SCLT1: variants seen among roughly 807,000 people sequenced by gnomAD.
The protein encoded by SCLT1 is sodium channel and clathrin linker 1, also known as sodium channel-associated protein 1.
SCLT1 carries 78 observed loss-of-function variants against 112.8 expected under a neutral mutation model. The ratio of observed to expected loss-of-function variants is 0.69; its 90% confidence interval spans 0.58 to 0.83. The LOEUF (loss-of-function observed/expected upper bound fraction) is 0.83, where lower values mean the gene tolerates loss of function less well. SCLT1 is among the 40% of genes least tolerant of loss of function. SCLT1 has a pLI of 0.00. For synonymous variants in SCLT1, 257 were observed against 254.7 expected (o/e 1.01, Z -0.09); for missense variants, 747 against 770.4 (o/e 0.97, Z 0.36).
Position 128,899,811 on chromosome 4 carries a change from G to A in SCLT1, c.1830-8674C>T, listed in dbSNP as rs371606238. On this transcript the variant is annotated intron_variant, in intron 18 of 20. Transcript: ENST00000281142. ...AGCCCAAAATCTCCTTAAGCTGATA[G>A]GCAACTTCAGCAAAGTCTCAGGATA... Among the ~76,000 whole-genome samples, 5 of 152,166 alleles carry A rather than the reference G, an allele frequency of 3.3e-5. No homozygotes were observed. The South Asian group carries it at 8.3e-4, about 25-fold the overall frequency.
At chr4:129,040,952 G>A (rs1048000858) in intron 4 of SCLT1, among the ~76,000 whole-genome samples, 5 of 151,916 alleles carry the variant, frequency 3.3e-5, no homozygotes, top group African/African-American at 1.2e-4. Context: ...AACCTTTGGC[G>A]GTAAAGAATG....
At chr4:129,034,198 T>A (rs1441242368) in intron 5 of SCLT1, among the ~76,000 whole-genome samples, 2 of 152,130 alleles carry the variant, frequency 1.3e-5, no homozygotes, top group African/African-American at 4.8e-5. Flanking sequence ...TGTAAATATA[T>A]ACATGAACTC....
intron 4 of SCLT1, among the ~76,000 whole-genome samples, chr4:128,875,515 A>C (rs1732492357): frequency 6.6e-6 from 1 of 152,236 alleles, no homozygotes; most frequent in Non-Finnish European, 1.5e-5. Flanking sequence ...CTTCAGGGTC[A>C]GAGAGAACTG....
intron 2 of SCLT1, among the ~76,000 whole-genome samples, chr4:129,075,058 G>C (rs1236442022): frequency 6.6e-6 from 1 of 151,930 alleles, no homozygotes. Context: ...GTGTATCACA[G>C]AAAAAAATGT....
intron 10 of SCLT1, among the ~76,000 whole-genome samples, chr4:128,967,921 G>A (rs1338540077): frequency 6.6e-6 from 1 of 152,028 alleles, no homozygotes; most frequent in East Asian, 1.9e-4. Flanking sequence ...TAAAATCTTT[G>A]CCAGGGCCTA....
intron 15 of SCLT1, among the ~76,000 whole-genome samples, chr4:128,947,329 A>G (rs1738257344): frequency 6.6e-6 from 1 of 152,218 alleles, no homozygotes; most frequent in South Asian, 2.1e-4. Context: ...TGGAAATTGT[A>G]CGCAGATGGA....
chr4:128,889,101 C>T (rs1733112530), intron 19 of SCLT1, among the ~76,000 whole-genome samples: 1 of 152,140 alleles, frequency 6.6e-6, no homozygotes, highest in Non-Finnish European at 1.5e-5. Context: ...GACTGCTGGG[C>T]CTTACAACCA....
At chr4:128,920,543 C>T (rs1321234007) in intron 18 of SCLT1, among the ~76,000 whole-genome samples, 5 of 152,176 alleles carry the variant, frequency 3.3e-5, no homozygotes, top group African/African-American at 9.7e-5. Context: ...CTGCCTGCCT[C>T]GGCCTCCTAA....
chr4:128,948,461 G>T, intron 15 of SCLT1, 35 bp downstream of exon 15: 1 of 1,595,378 alleles, frequency 6.3e-7, no homozygotes, highest in South Asian at 1.1e-5. Flanking sequence ...TTTGCAGTTG[G>T]GTTTTAGGTA....
At chr4:128,959,130 A>G (rs1030070586) in intron 12 of SCLT1, among the ~76,000 whole-genome samples, 47 of 152,312 alleles carry the variant, frequency 3.1e-4, no homozygotes, top group African/African-American at 1.1e-3. Flanking sequence ...AGGAATCACA[A>G]TTGTTAGAGA....
At chr4:129,003,349 G>A (rs1194812030) in intron 6 of SCLT1, among the ~76,000 whole-genome samples, 2 of 151,162 alleles carry the variant, frequency 1.3e-5, no homozygotes, top group Non-Finnish European at 2.9e-5. Flanking sequence ...TGGGTTGATG[G>A]GTGCAGCAAA....
At chr4:128,887,748 G>A (rs987366276) in intron 20 of SCLT1, among the ~76,000 whole-genome samples, 3 of 151,950 alleles carry the variant, frequency 2.0e-5, no homozygotes, top group South Asian at 2.1e-4. Flanking sequence ...GTATTTCATT[G>A]TTATTCTGCA....
intron 2 of SCLT1, among the ~76,000 whole-genome samples, chr4:129,046,300 G>A (rs1184963609): frequency 6.6e-6 from 1 of 152,072 alleles, no homozygotes; most frequent in African/African-American, 2.4e-5. Flanking sequence ...TGAGAACTAT[G>A]TATATGACCA....
intron 17 of SCLT1, among the ~76,000 whole-genome samples, chr4:128,942,594 G>C (rs888365788): frequency 3.3e-5 from 5 of 152,086 alleles, no homozygotes; most frequent in Non-Finnish European, 7.4e-5. Flanking sequence ...AGTTATGAAT[G>C]GTTCTCAGAG....
chr4:128,883,466 T>G (rs908097708), downstream of SCLT1, among the ~76,000 whole-genome samples: 6 of 152,066 alleles, frequency 3.9e-5, no homozygotes, highest in Admixed American at 2.6e-4. Context: ...GATAACGGGT[T>G]GATGGGTGCA....
chr4:128,939,123 G>C (rs1001825971), intron 17 of SCLT1, among the ~76,000 whole-genome samples: 6 of 152,274 alleles, frequency 3.9e-5, no homozygotes, highest in African/African-American at 1.2e-4. Context: ...TTTGCTTTAA[G>C]ACCCTTTATG....
rs187019558 is a variant in SCLT1 at position 129,023,341 on chromosome 4, C to T, written c.290+15700G>A. Among the ~76,000 whole-genome samples, 117 of 152,298 alleles carry T rather than the reference C, an allele frequency of 7.7e-4. 2 individuals are homozygous for T. The highest frequency in any genetic ancestry group is 2.7e-3 in the African/African-American group (112 of 41,568). Reference sequence around the variant, plus strand: ...TGGGCTAAATGCCCCAATTTAAACACACAGACTGGCAAATAGGATAAAGAG... The same window carrying T: ...TGGGCTAAATGCCCCAATTTAAACATACAGACTGGCAAATAGGATAAAGAG... On this transcript the variant is annotated intron_variant, in intron 5 of 20. Transcript: ENST00000281142.
intron 11 of SCLT1, among the ~76,000 whole-genome samples, chr4:128,964,194 G>A (rs571086513): frequency 3.8e-4 from 58 of 152,248 alleles, no homozygotes; most frequent in African/African-American, 1.3e-3. Flanking sequence ...AATGTGTAGG[G>A]ACATTTGGTA....
chr4:128,895,847 C>T (rs1368946808), intron 18 of SCLT1, among the ~76,000 whole-genome samples: 6 of 152,202 alleles, frequency 3.9e-5, no homozygotes, highest in Non-Finnish European at 7.3e-5. Context: ...CTTAATACTG[C>T]GCTTTTCCAA....
Sources: allele counts gnomAD v4.1 joint callset (sites outside exome capture counted in the v4.1 genomes callset), GRCh38; gene constraint gnomAD v4.1.1; transcripts MANE v1.5; gene names NCBI Gene and HGNC (gene_info 2026-07-23, HGNC 2026-07-21).